Variants in TP53BP2 observed in about 807,000 individuals in gnomAD.
TP53BP2 encodes the protein tumor protein p53 binding protein 2.
Under a neutral mutation model 126.2 loss-of-function variants are expected in TP53BP2, and 62 were observed. The ratio of observed to expected loss-of-function variants is 0.49; its 90% CI spans 0.40 to 0.61. TP53BP2 has a LOEUF of 0.61. TP53BP2 is among the 20% of genes least tolerant of loss of function. The probability of loss-of-function intolerance (pLI) is 0.00; values close to 1 mark genes in which losing one functional copy is unlikely to be tolerated. For synonymous variants in TP53BP2, 485 were observed against 502.9 expected, an observed-to-expected ratio of 0.96 and a Z score of 0.48; for missense variants, 1,215 against 1,402.8, an observed-to-expected ratio of 0.87 and a Z score of 2.14.
At chr1:223,787,655 T>C (rs764149010) in intron 16 of TP53BP2, among the ~76,000 whole-genome samples, 2 of 152,078 alleles carry the variant, frequency 1.3e-5, no homozygotes, top group Non-Finnish European at 2.9e-5. Context: ...GACAGGCAGA[T>C]TGCCTAAGCT....
At chr1:223,781,125 T>C (rs551176205) in intron 17 of TP53BP2, among the ~76,000 whole-genome samples, 2 of 152,212 alleles carry the variant, frequency 1.3e-5, no homozygotes, top group Non-Finnish European at 2.9e-5. Context: ...GTGACAACTC[T>C]ACAAAGCAGC....
intron 16 of TP53BP2, among the ~76,000 whole-genome samples, chr1:223,788,755 A>C (rs1184073006): frequency 2.6e-5 from 4 of 152,162 alleles, no homozygotes; most frequent in Non-Finnish European, 5.9e-5. Flanking sequence ...TTTGATGGTC[A>C]AAGTCATTAA....
chr1:223,786,612 T>TGTGTGTGTA (rs1661971865), intron 16 of TP53BP2, among the ~76,000 whole-genome samples: 2 of 96,360 alleles, frequency 2.1e-5, no homozygotes, highest in African/African-American at 8.9e-5. Flanking sequence ...GTGTGTATAT[T>TGTGTGTGTA]TTTTTTTCCC....
chr1:223,814,648 C>G (rs1285664584), intron 2 of TP53BP2, among the ~76,000 whole-genome samples: 1 of 152,198 alleles, frequency 6.6e-6, no homozygotes, highest in Non-Finnish European at 1.5e-5. Context: ...CACCATTTAA[C>G]TTCTGTGGTT....
chr1:223,802,553 A>ACC lies in TP53BP2; in HGVS notation c.996+177_996+178insGG. On this transcript the variant is annotated intron_variant, in intron 8 of 17. Transcript: ENST00000343537. ...GTATTAGAGACAAACAGAGCTACAC[A>ACC]GGTAATAACATTAAAAAGTAAAAAA... is the stretch of plus-strand genomic sequence containing the variant. 3.4e-6 allele frequency: 3 copies of ACC among 877,576 alleles called. No individual in the cohort carries two copies. The East Asian group carries it at 7.7e-5, about 22-fold the overall frequency. The allele number at this position is 877,576 out of a possible 1,614,324, so 54.4% of individuals were successfully genotyped here.
rs138026817 is a variant in TP53BP2, at chr1:223,821,721, G to A, written c.28-354C>T. ...CTGTCAATCCTGTAAAGGTTGATGC[G>A]ACAACCTCATCCATATATACTTATT... On this transcript the variant is annotated intron_variant, in intron 1 of 17. Transcript: ENST00000343537. Among the ~76,000 whole-genome samples the A allele has an allele frequency of 1.5e-3, 227 of 152,208 alleles. 1 individual carries two copies. The highest frequency in any genetic ancestry group is 5.2e-3 in the African/African-American group (216 of 41,504).
At position 223,800,708 on chromosome 1, in the gene TP53BP2, A is replaced by C; in HGVS notation, c.1328T>G (p.Leu443Arg). Residue 443 changes from leucine to arginine, a missense_variant, in exon 10 of 18, where the codon CTG (leucine) becomes CGG (arginine). Transcript: ENST00000343537. ...GCACAAATAAATCTCACCTTGATCC[A>C]GAGCATTCCCAGTGCTTTGAGGTAC... The part of the protein sequence containing the change: ...ASVPQSTGNA[L>R]DQVDDGEVPL... 6.3e-7 allele frequency: 1 copy of C among 1,596,548 alleles called. No homozygotes were observed. Among genetic ancestry groups the C allele is most frequent in the Non-Finnish European group, 8.5e-7 (1 of 1,175,450 alleles).
Position 223,845,909 on chromosome 1 carries a change from G to A in TP53BP2, c.-229C>T, listed in dbSNP as rs894939382. On this transcript the variant is annotated 5_prime_UTR_variant, in exon 1 of 18. Coordinates refer to ENST00000343537, the MANE Select transcript of TP53BP2 (RefSeq NM_001031685.3). ...CCTGACGCGGCTTTGTCTCTTCGACGCTCGTGACGGTCGGGGCTCCCTCCT... is the reference window on the plus strand; with the variant it reads ...CCTGACGCGGCTTTGTCTCTTCGACACTCGTGACGGTCGGGGCTCCCTCCT... The A allele has an allele frequency of 1.4e-5, 4 of 276,714 alleles. No homozygotes were observed. The highest frequency in any genetic ancestry group is 2.7e-5 in the Non-Finnish European group (4 of 149,572). The allele number at this position is 276,714 out of a possible 1,614,324, so 17.1% of individuals were successfully genotyped here. A position where few individuals can be genotyped will look rare whatever the true frequency, so the allele number is the denominator to read the frequency against.
chr1:223,835,931 C>A (rs1663907747), intron 1 of TP53BP2, among the ~76,000 whole-genome samples: 1 of 152,014 alleles, frequency 6.6e-6, no homozygotes, highest in African/African-American at 2.4e-5. Flanking sequence ...AAAATCCCCT[C>A]CAAGCAGTGG....
intron 1 of TP53BP2, among the ~76,000 whole-genome samples, chr1:223,834,516 C>T (rs1663854865): frequency 6.6e-6 from 1 of 152,080 alleles, no homozygotes; most frequent in African/African-American, 2.4e-5. Flanking sequence ...CAGTAGTTAA[C>T]CCAACAACAA....
intron 17 of TP53BP2, among the ~76,000 whole-genome samples, chr1:223,782,142 C>G (rs887297475): frequency 1.3e-5 from 2 of 151,944 alleles, no homozygotes; most frequent in Non-Finnish European, 2.9e-5. Flanking sequence ...GATGTTCTCA[C>G]CAAAAAAATG....
intron 13 of TP53BP2, among the ~76,000 whole-genome samples, chr1:223,794,749 G>GTTT (rs550237960): frequency 1.3e-3 from 201 of 152,236 alleles, no homozygotes; most frequent in Middle Eastern, 0.01. Flanking sequence ...GCACAGGGTT[G>GTTT]TTTAAAAACT....
chr1:223,805,764 T>A lies in TP53BP2; in HGVS notation c.474+1082A>T, dbSNP rs151230020. 2.7e-4 allele frequency among the ~76,000 whole-genome samples: 41 copies of A among 152,346 alleles called. No homozygotes were observed. The East Asian group carries it at 7.9e-3, about 29-fold the overall frequency. On this transcript the variant is annotated intron_variant, in intron 5 of 17. Transcript: ENST00000343537. The stretch of plus-strand genomic sequence containing the variant: ...GTTTAGACCAGGGGTTGACAAACTA[T>A]AGTCTGCAGGCCAAATCCAGCTTGC...
At position 223,780,048 on chromosome 1, in the gene TP53BP2, G is replaced by A. The variant is rs915295110; in HGVS notation, c.*805C>T. 2 of 152,134 alleles carry A rather than the reference G, an allele frequency of 1.3e-5. No homozygotes were observed. The highest frequency in any genetic ancestry group is 2.9e-5 in the Non-Finnish European group (2 of 68,028). 9.4% of individuals were successfully genotyped at this position (152,134 alleles called of 1,614,324 possible). On this transcript the variant is annotated 3_prime_UTR_variant, in exon 18 of 18. Coordinates refer to ENST00000343537, the MANE Select transcript of TP53BP2 (RefSeq NM_001031685.3). ...CCAACGGCTTGTGACTATTAAACAA[G>A]GTCTATTTATGACATCAAAAACAAA...
intron 13 of TP53BP2, among the ~76,000 whole-genome samples, chr1:223,794,392 T>C (rs1662249077): frequency 6.6e-6 from 1 of 152,248 alleles, no homozygotes; most frequent in African/African-American, 2.4e-5. Context: ...GTTATCTGAC[T>C]GTGGTTAATA....
intron 2 of TP53BP2, among the ~76,000 whole-genome samples, chr1:223,819,665 G>A (rs948730831): frequency 1.8e-4 from 26 of 147,764 alleles, no homozygotes; most frequent in African/African-American, 6.0e-4. Context: ...CAGCCTGGGC[G>A]ACAGAGTGAG....
At chr1:223,843,506 A>C (rs1237494577) in intron 1 of TP53BP2, among the ~76,000 whole-genome samples, 2 of 152,194 alleles carry the variant, frequency 1.3e-5, no homozygotes, top group Non-Finnish European at 2.9e-5. Flanking sequence ...TCTAAATAGT[A>C]AACCATTATC....
intron 14 of TP53BP2, 72 bp downstream of exon 14, chr1:223,793,231 A>C (rs1662209866): frequency 7.8e-6 from 9 of 1,152,858 alleles, no homozygotes; most frequent in Non-Finnish European, 1.0e-5. Flanking sequence ...AAAATTTACT[A>C]ATTATACTCT....
intron 1 of TP53BP2, among the ~76,000 whole-genome samples, chr1:223,829,765 T>C (rs1385066616): frequency 6.6e-6 from 1 of 152,066 alleles, no homozygotes; most frequent in Non-Finnish European, 1.5e-5. Flanking sequence ...GTTACAGATT[T>C]ACCCATACTA....
Sources: allele counts gnomAD v4.1 joint callset (sites outside exome capture counted in the v4.1 genomes callset), GRCh38; gene constraint gnomAD v4.1.1; transcripts MANE v1.5; gene names NCBI Gene and HGNC (gene_info 2026-07-23, HGNC 2026-07-21).